Variants in ZNF479 observed in about 807,000 individuals in gnomAD.
The protein encoded by ZNF479 is KRAB zinc finger protein KR19.
A neutral mutation model predicts 14.7 loss-of-function variants in ZNF479; 15 were observed. The ratio of observed to expected loss-of-function variants is 1.02; its 90% confidence interval spans 0.68 to 1.57. ZNF479 has a LOEUF of 1.57. Ranked by LOEUF, ZNF479 falls within the 40% of genes most tolerant of loss-of-function variation. ZNF479 has a pLI of 0.00. For missense variants in ZNF479, 506 were observed against 615.1 expected (o/e 0.82, Z 1.88); for synonymous variants, 145 against 211.5 (o/e 0.69, Z 2.73).
intron 3 of ZNF479, among the ~76,000 whole-genome samples, chr7:57,123,612 T>A (rs1786041039): frequency 6.6e-6 from 1 of 152,054 alleles, no homozygotes; most frequent in African/African-American, 2.4e-5. Flanking sequence ...GGTGGAAGAA[T>A]CACTTGGGGC....
At chr7:57,137,656 A>C (rs753454951) in intron 1 of ZNF479, among the ~76,000 whole-genome samples, 2 of 152,224 alleles carry the variant, frequency 1.3e-5, no homozygotes, top group African/African-American at 2.4e-5. Flanking sequence ...TGATTGTGTC[A>C]TATAGTTTCA....
Position 57,118,979 on chromosome 7 carries a change from T to C in ZNF479, c.*861A>G, listed in dbSNP as rs1306036031. Among the ~76,000 whole-genome samples, 3 of 152,348 alleles carry C rather than the reference T, an allele frequency of 2.0e-5. No individual in the cohort carries two copies. In the East Asian group the frequency reaches 5.8e-4, roughly 29 times the overall value. On this transcript the variant is annotated 3_prime_UTR_variant, in exon 4 of 4. Coordinates refer to ENST00000319636, the MANE Select transcript of ZNF479 (RefSeq NM_001370129.2). ...AAGTTTGAGGTGTGCTTAAATGCTCTGTCACATTTTTATGTAAGCAGAGTT... is the reference window on the plus strand; with the variant it reads ...AAGTTTGAGGTGTGCTTAAATGCTCCGTCACATTTTTATGTAAGCAGAGTT...
At chr7:57,134,665 C>CTTTTTT (rs71053216), upstream of ZNF479, among the ~76,000 whole-genome samples, 79 of 106,486 alleles carry the variant, frequency 7.4e-4, no homozygotes, top group Non-Finnish European at 8.0e-4. Context: ...TTTCTTCTAT[C>CTTTTTT]TTTTTTTTTT....
rs1786227144 is a variant in ZNF479, at chr7:57,127,530, C to T, written c.40-812G>A. 7 of 984,244 alleles carry T rather than the reference C, an allele frequency of 7.1e-6. No individual in the cohort carries two copies. The South Asian group carries it at 1.9e-4, about 26-fold the overall frequency. 61.0% of individuals were successfully genotyped at this position (984,244 alleles called of 1,614,324 possible). On this transcript the variant is annotated intron_variant, in intron 1 of 3. Coordinates refer to ENST00000319636, the MANE Select transcript of ZNF479 (RefSeq NM_001370129.2). Reference sequence around the variant, plus strand: ...TAGCAAGCTCACCAATGTTTCTAGCCTAGTAAGAATATTTTGTCAAATATC... The same window carrying T: ...TAGCAAGCTCACCAATGTTTCTAGCTTAGTAAGAATATTTTGTCAAATATC...
chr7:57,128,026 C>T (rs967325683), intron 1 of ZNF479, among the ~76,000 whole-genome samples: 9 of 151,324 alleles, frequency 5.9e-5, no homozygotes, highest in African/African-American at 2.2e-4. Flanking sequence ...ACCTCAACTT[C>T]CTGAGTTCAA....
At chr7:57,138,681 A>G (rs540159376) in intron 1 of ZNF479, among the ~76,000 whole-genome samples, 16 of 152,358 alleles carry the variant, frequency 1.1e-4, no homozygotes, top group Middle Eastern at 6.8e-3. Flanking sequence ...ACAGGTGATT[A>G]CCACACACAT....
chr7:57,125,670 A>AT (rs1321339744), intron 3 of ZNF479, among the ~76,000 whole-genome samples: 1 of 151,658 alleles, frequency 6.6e-6, no homozygotes, highest in African/African-American at 2.4e-5. Context: ...ATGCAAAAAA[A>AT]AATTTTAATG....
chr7:57,132,291 C>G lies in ZNF479; in HGVS notation c.34G>C (p.Glu12Gln), dbSNP rs1462999178. 1 of 1,614,130 alleles carries G rather than the reference C, an allele frequency of 6.2e-7. No homozygotes were observed. The highest frequency in any genetic ancestry group is 1.1e-5 in the South Asian group (1 of 91,076). The part of the protein sequence containing the change: ...AKRPGPPGSR[E>Q]MGLLTFRDIA... Reference sequence around the variant, plus strand: ...ATGACAGACCCAGCACTCACCATTTCTCGGCTTCCAGGGGGTCCTGGTCTT... The same window carrying G: ...ATGACAGACCCAGCACTCACCATTTGTCGGCTTCCAGGGGGTCCTGGTCTT... The change falls in exon 1 of 4, where the codon GAA becomes CAA. Residue 12 changes from glutamate (E) to glutamine (Q), a missense_variant. Transcript: ENST00000319636.
rs1430622984 is a variant in ZNF479, at chr7:57,131,567, ATAAAAAACAAACAAACAAAC to A, written c.39+699_39+718del. Among the ~76,000 whole-genome samples, 36 of 135,986 alleles carry A rather than the reference ATAAAAAACAAACAAACAAAC, an allele frequency of 2.6e-4. 5 individuals are homozygous for A. Among genetic ancestry groups the A allele is most frequent in the African/African-American group, 6.4e-4 (25 of 39,224 alleles). 89.2% of individuals were successfully genotyped at this position (135,986 alleles called of 152,430 possible). ...GACAGAGCGAGACTCCCTCTCAAAA[ATAAAAAACAAACAAACAAAC>A]AAAAAAAAAACATTTCTTGTAAATT... On this transcript the variant is annotated intron_variant, in intron 1 of 3. Coordinates refer to ENST00000319636, the MANE Select transcript of ZNF479 (RefSeq NM_001370129.2).
At chr7:57,123,046 T>C (rs940813264) in intron 3 of ZNF479, among the ~76,000 whole-genome samples, 36 of 152,188 alleles carry the variant, frequency 2.4e-4, no homozygotes, top group African/African-American at 6.3e-4. Context: ...TTATTTTGCA[T>C]TGCCATAGAA....
chr7:57,119,861 C>A lies in ZNF479; in HGVS notation c.1554G>T (p.Glu518Asp), dbSNP rs782626997. 4.3e-6 allele frequency: 7 copies of A among 1,613,206 alleles called. No homozygotes were observed. Among genetic ancestry groups the A allele is most frequent in the South Asian group, 2.2e-5 (2 of 91,056 alleles). ...LAKHKIIHTG[E>D]KPYKCE ...CATATTATTCACATTTGTAGGGTTT[C>A]TCTCCAGTGTGAATTATCTTATGTT... Residue 518 changes from glutamate to aspartate, a missense_variant, in exon 4 of 4, where the codon GAG (glutamate) becomes GAT (aspartate). This residue lies in a region of ZNF479 where 72 missense variants were observed against 97.6 expected (regional missense o/e 0.74). Transcript: ENST00000319636.
rs1785750722 is a variant in ZNF479 at position 57,117,802 on chromosome 7, A to T, written c.*2038T>A. Among the ~76,000 whole-genome samples, 1 of 152,408 alleles carries T rather than the reference A, an allele frequency of 6.6e-6. No homozygotes were observed. Among genetic ancestry groups the T allele is most frequent in the Non-Finnish European group, 1.5e-5 (1 of 68,040 alleles). On this transcript the variant is annotated 3_prime_UTR_variant, in exon 4 of 4. Transcript: ENST00000319636. ...ACAAACAATGGGAAGAGTCAACATGACGGAATCTGAGACTTGAGTTACATT... is the reference window on the plus strand; with the variant it reads ...ACAAACAATGGGAAGAGTCAACATGTCGGAATCTGAGACTTGAGTTACATT...
intron 1 of ZNF479, among the ~76,000 whole-genome samples, chr7:57,138,477 C>T (rs1051633357): frequency 3.3e-5 from 5 of 152,142 alleles, no homozygotes; most frequent in South Asian, 2.1e-4. Context: ...TATGAGGACA[C>T]GATACACAGT....
chr7:57,132,715 T>C (rs1268777402), upstream of ZNF479, among the ~76,000 whole-genome samples: 1 of 152,238 alleles, frequency 6.6e-6, no homozygotes, highest in Admixed American at 6.5e-5. Context: ...ATAAATGATA[T>C]ATAATATTTA....
rs1562849842 is a variant in ZNF479, at chr7:57,127,939, T to TA, written c.40-1222_40-1221insT. Among the ~76,000 whole-genome samples the TA allele has an allele frequency of 0.015, 582 of 37,562 alleles. 11 individuals carry two copies. The East Asian group carries it at 0.37, about 24-fold the overall frequency. 24.6% of individuals were successfully genotyped at this position (37,562 alleles called of 152,430 possible). ...TTAATTTTATTATATATATATATATTTTTTTTTTTTTTTTGAGACAGAGTC... is the reference window on the plus strand; with the variant it reads ...TTAATTTTATTATATATATATATATTATTTTTTTTTTTTTTGAGACAGAGTC... On this transcript the variant is annotated intron_variant, in intron 1 of 3. Transcript: ENST00000319636.
At chr7:57,133,102 C>T (rs1380537268), upstream of ZNF479, among the ~76,000 whole-genome samples, 2 of 152,064 alleles carry the variant, frequency 1.3e-5, no homozygotes, top group Admixed American at 1.3e-4. Flanking sequence ...CCATTGCACT[C>T]CAGCCTGGGT....
In ZNF479 at chr7:57,120,965, T is replaced by C; in HGVS notation, c.450A>G (p.Ser150=). Residue 150 remains serine (S), a synonymous_variant, in exon 4 of 4, where the codon TCA becomes TCG. Coordinates refer to ENST00000319636, the MANE Select transcript of ZNF479 (RefSeq NM_001370129.2). ...GGYSEVNQCL[S]TTQNKIFQTH... ...TCTGAAATATTTTGTTTTGGGTAGT[T>C]GACAAACATTGGTTAACTTCACTAT... The C allele has an allele frequency of 6.2e-7, 1 of 1,614,144 alleles. No homozygotes were observed. The highest frequency in any genetic ancestry group is 1.7e-5 in the Admixed American group (1 of 59,988).
At chr7:57,121,567 C>T (rs1785951034) in intron 3 of ZNF479, among the ~76,000 whole-genome samples, 1 of 152,160 alleles carries the variant, frequency 6.6e-6, no homozygotes, top group African/African-American at 2.4e-5. Context: ...AACGTAGTTA[C>T]TGACCACTAA....
Position 57,131,590 on chromosome 7 carries a change from A to AC in ZNF479, c.39+695_39+696insG, listed in dbSNP as rs943019838. Among the ~76,000 whole-genome samples, 135 of 136,940 alleles carry AC rather than the reference A, an allele frequency of 9.9e-4. 2 individuals carry two copies. Among genetic ancestry groups the AC allele is most frequent in the African/African-American group, 3.4e-3 (133 of 39,228 alleles). 89.8% of individuals were successfully genotyped at this position (136,940 alleles called of 152,430 possible). A position where few individuals can be genotyped will look rare whatever the true frequency, so the allele number is the denominator to read the frequency against. ...AAATAAAAAACAAACAAACAAACAA[A>AC]AAAAAAACATTTCTTGTAAATTACT... On this transcript the variant is annotated intron_variant, in intron 1 of 3. Transcript: ENST00000319636.
Sources: gnomAD v4.1 joint callset for allele counts (sites outside exome capture counted in the v4.1 genomes callset) on GRCh38, gnomAD v4.1.1 for gene constraint, gnomAD v4.1.1 regional missense constraint, MANE v1.5 for transcripts, NCBI Gene and HGNC (gene_info 2026-07-23, HGNC 2026-07-21) for gene names.